Variants in PPM1H observed in about 807,000 individuals in gnomAD.
PPM1H encodes the protein protein phosphatase 1H.
PPM1H carries 27 observed loss-of-function variants against 54.9 expected under a neutral mutation model. The observed-to-expected ratio is 0.49, with a 90% CI of 0.36 to 0.68. The LOEUF is 0.68. Among genes scored for constraint, PPM1H ranks in the 30% least tolerant of loss-of-function variants. PPM1H has a pLI of 0.00. For missense variants in PPM1H, 596 were observed against 667.8 expected (o/e 0.89, Z 1.19); for synonymous variants, 305 against 270.8 (o/e 1.13, Z -1.24).
intron 1 of PPM1H, among the ~76,000 whole-genome samples, chr12:62,919,163 T>G (rs994395313): frequency 1.1e-4 from 16 of 152,202 alleles, no homozygotes; most frequent in African/African-American, 3.9e-4. Flanking sequence ...TGTAGCACTT[T>G]GGAAAGCAAG....
At chr12:62,733,512 C>T (rs2076334706) in intron 5 of PPM1H, among the ~76,000 whole-genome samples, 1 of 152,136 alleles carries the variant, frequency 6.6e-6, no homozygotes, top group South Asian at 2.1e-4. Context: ...CCACCTTGGC[C>T]TCTCAAAGTG....
intron 4 of PPM1H, among the ~76,000 whole-genome samples, chr12:62,780,813 C>T (rs1344262022): frequency 1.3e-5 from 2 of 151,908 alleles, no homozygotes; most frequent in Non-Finnish European, 2.9e-5. Flanking sequence ...AAACACAGGG[C>T]CTTGGGTTCT....
chr12:62,820,161 G>C (rs2076893980), intron 2 of PPM1H, among the ~76,000 whole-genome samples: 1 of 152,250 alleles, frequency 6.6e-6, no homozygotes, highest in Non-Finnish European at 1.5e-5. Context: ...TAGCGCAGCA[G>C]TCTGAGATCA....
chr12:62,932,769 G>C (rs1164896712), intron 1 of PPM1H, among the ~76,000 whole-genome samples: 1 of 151,068 alleles, frequency 6.6e-6, no homozygotes, highest in African/African-American at 2.4e-5. Context: ...CGAGTAGCTG[G>C]GATTACAGGC....
intron 4 of PPM1H, among the ~76,000 whole-genome samples, chr12:62,763,413 C>T (rs1175236882): frequency 6.6e-6 from 1 of 152,174 alleles, no homozygotes; most frequent in African/African-American, 2.4e-5. Flanking sequence ...TGAGTGGGAG[C>T]GGGCATCAGG....
At chr12:62,817,151 C>T (rs1019660164) in intron 2 of PPM1H, among the ~76,000 whole-genome samples, 2 of 58,920 alleles carry the variant, frequency 3.4e-5, no homozygotes, top group Non-Finnish European at 6.9e-5. Context: ...AAAAAAAAAA[C>T]TAAAAAAAAG....
At chr12:62,713,816 A>C (rs1420615389) in intron 6 of PPM1H, among the ~76,000 whole-genome samples, 4 of 151,968 alleles carry the variant, frequency 2.6e-5, no homozygotes, top group Admixed American at 2.0e-4. Context: ...AAAATACACA[A>C]AAATTAGCAG....
At chr12:62,859,137 G>A (rs1175349663) in intron 1 of PPM1H, among the ~76,000 whole-genome samples, 2 of 152,182 alleles carry the variant, frequency 1.3e-5, no homozygotes, top group African/African-American at 2.4e-5. Context: ...AGCAGCAAAT[G>A]CTATCCCTGG....
chr12:62,755,382 T>C (rs1185325873), intron 4 of PPM1H: 11 of 792,802 alleles, frequency 1.4e-5, no homozygotes, highest in Non-Finnish European at 2.2e-5. Flanking sequence ...ATTTTGTCTG[T>C]GGCAAATTCC....
chr12:62,908,398 A>G (rs1158526660), intron 1 of PPM1H, among the ~76,000 whole-genome samples: 1 of 116,520 alleles, frequency 8.6e-6, no homozygotes, highest in Non-Finnish European at 1.8e-5. Flanking sequence ...CAAGAGCGAG[A>G]CTCCGTCTCA....
At chr12:62,804,033 C>G (rs957996571) in intron 2 of PPM1H, among the ~76,000 whole-genome samples, 4 of 152,150 alleles carry the variant, frequency 2.6e-5, no homozygotes, top group African/African-American at 7.2e-5. Flanking sequence ...AGATAAGGGG[C>G]ATCTAGGGAA....
intron 1 of PPM1H, among the ~76,000 whole-genome samples, chr12:62,854,266 C>T (rs188992866): frequency 1.2e-3 from 186 of 152,272 alleles, no homozygotes; most frequent in Non-Finnish European, 2.2e-3. Flanking sequence ...CTCTTAACCG[C>T]AATGGATGGC....
intron 8 of PPM1H, among the ~76,000 whole-genome samples, chr12:62,675,821 G>A (rs978219218): frequency 4.6e-5 from 7 of 152,194 alleles, no homozygotes; most frequent in Admixed American, 3.9e-4. Context: ...GATCTCAAGA[G>A]CAAGTGAGCA....
rs144569351 is a variant in PPM1H at position 62,681,279 on chromosome 12, G to A, written c.1245+8420C>T. ...CTTCCTTTCACATAGTCTGGAAAGC[G>A]AAGTCTTGTTTTTTAAATTTTACTT... On this transcript the variant is annotated intron_variant, in intron 8 of 9. Coordinates refer to ENST00000228705, the MANE Select transcript of PPM1H (RefSeq NM_020700.2). 5.8e-3 allele frequency among the ~76,000 whole-genome samples: 888 copies of A among 152,188 alleles called. 9 individuals are homozygous for A. The highest frequency in any genetic ancestry group is 0.019 in the African/African-American group (808 of 41,492).
At chr12:62,703,073 T>TA (rs1219745271) in intron 6 of PPM1H, among the ~76,000 whole-genome samples, 2 of 152,218 alleles carry the variant, frequency 1.3e-5, no homozygotes, top group Admixed American at 1.3e-4. Flanking sequence ...GGCCATCAGT[T>TA]GTGGCTATTA....
chr12:62,698,398 T>C (rs2076125253), intron 6 of PPM1H, among the ~76,000 whole-genome samples: 1 of 152,184 alleles, frequency 6.6e-6, no homozygotes, highest in Non-Finnish European at 1.5e-5. Context: ...TATTTTCTGC[T>C]TGAGAGCTCT....
At chr12:62,731,327 C>A (rs1201450937) in intron 5 of PPM1H, among the ~76,000 whole-genome samples, 1 of 152,152 alleles carries the variant, frequency 6.6e-6, no homozygotes, top group African/African-American at 2.4e-5. Context: ...GAAACTGTCT[C>A]TTTCTGAATA....
At position 62,852,089 on chromosome 12, in the gene PPM1H, C is replaced by T. The variant is rs187424042; in HGVS notation, c.246-19810G>A. Among the ~76,000 whole-genome samples the T allele has an allele frequency of 4.1e-3, 620 of 151,866 alleles. 3 individuals carry two copies. The highest frequency in any genetic ancestry group is 0.014 in the African/African-American group (595 of 41,392). ...ACTAAAAATACAAAAATTAGCTGGG[C>T]GTGGTGGCGGGCGCCTGTAATCCCA... On this transcript the variant is annotated intron_variant, in intron 1 of 9. Coordinates refer to ENST00000228705, the MANE Select transcript of PPM1H (RefSeq NM_020700.2).
At chr12:62,868,132 CA>C (rs905083047) in intron 1 of PPM1H, among the ~76,000 whole-genome samples, 18 of 152,284 alleles carry the variant, frequency 1.2e-4, no homozygotes, top group South Asian at 6.2e-4. Context: ...CCTAAACCTG[CA>C]GTGTGCTACC....
Sources: allele counts gnomAD v4.1 joint callset (sites outside exome capture counted in the v4.1 genomes callset), GRCh38; gene constraint gnomAD v4.1.1; transcripts MANE v1.5; gene names NCBI Gene and HGNC (gene_info 2026-07-23, HGNC 2026-07-21).